The following LPP variants were observed in gnomAD, a reference collection of about 807,000 sequenced individuals.
The protein encoded by LPP is LIM domain containing preferred translocation partner in lipoma.
LPP carries 38 observed loss-of-function variants against 60.4 expected under a neutral mutation model. That is an observed-to-expected ratio of 0.63 (90% confidence interval 0.49 to 0.83). LPP has a LOEUF of 0.83. Ranked by LOEUF, LPP falls within the 40% of genes least tolerant of loss-of-function variation. The pLI is 0.00. For synonymous variants in LPP, 328 were observed against 290.8 expected (o/e 1.13, Z -1.30); for missense variants, 902 against 783.6 (o/e 1.15, Z -1.80).
intron 8 of LPP, among the ~76,000 whole-genome samples, chr3:188,718,437 A>T (rs1048019735): frequency 6.6e-6 from 1 of 152,362 alleles, no homozygotes; most frequent in East Asian, 1.9e-4. Context: ...ATTGTCCTTA[A>T]AAAGAATAAA....
chr3:188,674,196 G>A (rs988596265), intron 7 of LPP, among the ~76,000 whole-genome samples: 17 of 152,040 alleles, frequency 1.1e-4, no homozygotes, highest in Admixed American at 5.9e-4. Flanking sequence ...TGGGATACTA[G>A]GGTTGCAACA....
chr3:188,549,042 G>A (rs936395014), intron 6 of LPP, among the ~76,000 whole-genome samples: 1 of 152,182 alleles, frequency 6.6e-6, no homozygotes, highest in Non-Finnish European at 1.5e-5. Flanking sequence ...CAAAGGAAAT[G>A]ATAAATATTT....
chr3:188,390,364 T>C (rs545062539), intron 3 of LPP, among the ~76,000 whole-genome samples: 54 of 152,318 alleles, frequency 3.5e-4, no homozygotes, highest in Non-Finnish European at 6.0e-4. Flanking sequence ...AAAAGTACTA[T>C]TTATAGCTTT....
intron 2 of LPP, among the ~76,000 whole-genome samples, chr3:188,242,566 C>T (rs1488111250): frequency 2.6e-5 from 4 of 152,204 alleles, no homozygotes; most frequent in East Asian, 1.9e-4. Context: ...GTGAAAGACA[C>T]GGTTCTTACC....
chr3:188,838,940 G>T (rs977252312), intron 9 of LPP, among the ~76,000 whole-genome samples: 1 of 152,132 alleles, frequency 6.6e-6, no homozygotes, highest in African/African-American at 2.4e-5. Context: ...ATGACAGGTT[G>T]ATGGGTGGAG....
intron 2 of LPP, among the ~76,000 whole-genome samples, chr3:188,309,540 G>A (rs545337288): frequency 2.0e-5 from 3 of 152,222 alleles, no homozygotes; most frequent in African/African-American, 7.2e-5. Context: ...AGGTCCTTAG[G>A]GGAGAGGCGA....
chr3:188,510,693 T>C (rs540226844), intron 5 of LPP, among the ~76,000 whole-genome samples: 28 of 152,328 alleles, frequency 1.8e-4, no homozygotes, highest in African/African-American at 6.3e-4. Context: ...ACCCTTTGAG[T>C]CTGCTCTTAC....
At chr3:188,518,669 A>G (rs1818054165) in intron 5 of LPP, among the ~76,000 whole-genome samples, 1 of 152,164 alleles carries the variant, frequency 6.6e-6, no homozygotes, top group South Asian at 2.1e-4. Flanking sequence ...ATGTGTCAGT[A>G]TGGTTGTCTA....
intron 3 of LPP, among the ~76,000 whole-genome samples, chr3:188,390,170 C>T (rs1192081126): frequency 6.6e-6 from 1 of 152,122 alleles, no homozygotes; most frequent in African/African-American, 2.4e-5. Context: ...CCTGCCCCTC[C>T]CTGCAATCTT....
intron 2 of LPP, among the ~76,000 whole-genome samples, chr3:188,317,596 A>G (rs981708855): frequency 1.3e-5 from 2 of 152,220 alleles, no homozygotes; most frequent in Non-Finnish European, 2.9e-5. Flanking sequence ...AAGAGGATTC[A>G]TATTGAAATC....
At chr3:188,484,742 G>A in intron 5 of LPP, 38 bp downstream of exon 5, 1 of 1,478,448 alleles carries the variant, frequency 6.8e-7, no homozygotes, top group Non-Finnish European at 9.5e-7. Context: ...GGTAAGAGCT[G>A]AAGTTAAAGT....
rs1578418582 is a variant in LPP at position 188,373,845 on chromosome 3, A to C, written c.-10+32126A>C. ...CTAGGGTTTTTATGGTTTTAGGTCT[A>C]ACGTTTAAGTCTTTAATCCATCTTG... On this transcript the variant is annotated intron_variant, in intron 3 of 11. Coordinates refer to ENST00000617246, the MANE Select transcript of LPP (RefSeq NM_001375462.1). Among the ~76,000 whole-genome samples, 9 of 151,736 alleles carry C rather than the reference A, an allele frequency of 5.9e-5. 1 individual carries two copies. In the South Asian group the frequency reaches 1.7e-3, roughly 28 times the overall value.
rs113521472 is a variant in LPP, at chr3:188,291,255, G to A, written c.-66-50408G>A. 2.3e-3 allele frequency among the ~76,000 whole-genome samples: 352 copies of A among 152,200 alleles called. 4 individuals carry two copies. The highest frequency in any genetic ancestry group is 8.0e-3 in the African/African-American group (333 of 41,540). On this transcript the variant is annotated intron_variant, in intron 2 of 11. Transcript: ENST00000617246. ...GTGTTTGTGAAACTTCCTGGAATTG[G>A]TAGTGTTGATTTTGAGATGTTTCTT...
intron 2 of LPP, among the ~76,000 whole-genome samples, chr3:188,285,907 C>T (rs1478353567): frequency 2.0e-5 from 3 of 152,212 alleles, no homozygotes; most frequent in Non-Finnish European, 4.4e-5. Context: ...GTGGACACTA[C>T]CTCCAGAAAG....
intron 2 of LPP, among the ~76,000 whole-genome samples, chr3:188,239,531 T>A (rs1311070595): frequency 6.6e-6 from 1 of 152,224 alleles, no homozygotes; most frequent in Admixed American, 6.5e-5. Context: ...TTTAACAAAA[T>A]TTTTAAAGAG....
intron 9 of LPP, among the ~76,000 whole-genome samples, chr3:188,774,141 A>G (rs1338747577): frequency 6.6e-6 from 1 of 152,158 alleles, no homozygotes; most frequent in Non-Finnish European, 1.5e-5. Context: ...AAATAAATTT[A>G]TGCTAACAGA....
intron 6 of LPP, among the ~76,000 whole-genome samples, chr3:188,556,946 TC>T (rs1829626088): frequency 6.6e-6 from 1 of 152,102 alleles, no homozygotes; most frequent in South Asian, 2.1e-4. Flanking sequence ...TAATCTGAGT[TC>T]CTTTTCTCTG....
chr3:188,264,944 G>T (rs1333935743), intron 2 of LPP, among the ~76,000 whole-genome samples: 1 of 152,154 alleles, frequency 6.6e-6, no homozygotes, highest in Non-Finnish European at 1.5e-5. Context: ...TCATAAAAAT[G>T]ATGTGTCTTA....
intron 7 of LPP, among the ~76,000 whole-genome samples, chr3:188,638,346 G>A (rs1358223324): frequency 6.7e-6 from 1 of 149,326 alleles, no homozygotes; most frequent in Non-Finnish European, 1.5e-5. Flanking sequence ...AATAAATTAG[G>A]TATTGATGGG....
Sources: gnomAD v4.1 joint callset for allele counts (sites outside exome capture counted in the v4.1 genomes callset) on GRCh38, gnomAD v4.1.1 for gene constraint, MANE v1.5 for transcripts, NCBI Gene and HGNC (gene_info 2026-07-23, HGNC 2026-07-21) for gene names.